The following EEIG1 variants were observed in gnomAD, a reference collection of about 807,000 sequenced individuals.
EEIG1 encodes the protein estrogen-induced osteoclastogenesis regulator 1.
chr9:127,978,550 C>G, the EEIG1 span, among the ~76,000 whole-genome samples: 1 of 147,732 alleles, frequency 6.8e-6, no homozygotes, highest in East Asian at 2.0e-4. Flanking sequence ...AAGAGAGAGG[C>G]CGGGTGCAGT....
the EEIG1 span, among the ~76,000 whole-genome samples, chr9:127,951,814 C>CA: frequency 0.8 from 86,952 of 109,070 alleles, 35,364 homozygotes; most frequent in Non-Finnish European, 0.9. Flanking sequence ...GACTCCATCT[C>CA]AAAAAAAAAA....
At chr9:127,980,240 A>T in the EEIG1 span, 1 of 1,314,292 alleles carries the variant, frequency 7.6e-7, no homozygotes, top group Non-Finnish European at 1.0e-6. Flanking sequence ...CCAGAGCCGG[A>T]TCCCGCCCTG....
the EEIG1 span, among the ~76,000 whole-genome samples, chr9:127,947,238 TGA>T: frequency 3.8e-5 from 5 of 130,388 alleles, no homozygotes; most frequent in African/African-American, 1.2e-4. Flanking sequence ...GCTGATATGG[TGA>T]AATCCAGTCT....
the EEIG1 span, chr9:127,943,810 C>G: frequency 2.5e-5 from 4 of 157,626 alleles, no homozygotes; most frequent in Non-Finnish European, 4.2e-5. Flanking sequence ...CCCCCTCACC[C>G]CCACCCGAGA....
At chr9:127,971,287 G>A in the EEIG1 span, among the ~76,000 whole-genome samples, 5 of 152,196 alleles carry the variant, frequency 3.3e-5, no homozygotes, top group Non-Finnish European at 5.9e-5. Flanking sequence ...TTTAGCCACA[G>A]TCACAGGGAA....
chr9:127,980,317 C>T, the EEIG1 span: 1 of 588,568 alleles, frequency 1.7e-6, no homozygotes, highest in East Asian at 3.2e-5. Flanking sequence ...CAGTCCAGTT[C>T]GCGGGCCGGC....
chr9:127,962,067 C>T, the EEIG1 span, among the ~76,000 whole-genome samples: 29 of 152,258 alleles, frequency 1.9e-4, no homozygotes, highest in Admixed American at 7.8e-4. Flanking sequence ...CAGCAGGCAA[C>T]GCCAGAAGAG....
chr9:127,966,734 T>C, the EEIG1 span, among the ~76,000 whole-genome samples: 1 of 152,232 alleles, frequency 6.6e-6, no homozygotes, highest in Non-Finnish European at 1.5e-5. Flanking sequence ...GCACCCAGCA[T>C]GGCCCAGCCT....
At chr9:127,953,654 G>C in the EEIG1 span, 2 of 1,610,460 alleles carry the variant, frequency 1.2e-6, no homozygotes, top group African/African-American at 2.7e-5. Flanking sequence ...GAATCCCAGG[G>C]ACCTCATGCA....
At chr9:127,973,561 T>C in the EEIG1 span, among the ~76,000 whole-genome samples, 1 of 152,138 alleles carries the variant, frequency 6.6e-6, no homozygotes, top group Non-Finnish European at 1.5e-5. The surrounding 1 kb of genome is among the most constrained non-coding windows in gnomAD (Gnocchi z 4.2). Context: ...CTGCCAACAG[T>C]GCAGCCAGCT....
the EEIG1 span, chr9:127,945,629 A>G: frequency 6.4e-7 from 1 of 1,569,668 alleles, no homozygotes; most frequent in East Asian, 2.4e-5. This position sits in a 1 kb window ranked among gnomAD's most constrained non-coding sequence, Gnocchi z 6.5. Flanking sequence ...CCACGGGGGC[A>G]GGGCCAGGCA....
At chr9:127,963,017 C>A in the EEIG1 span, among the ~76,000 whole-genome samples, 2 of 152,194 alleles carry the variant, frequency 1.3e-5, no homozygotes, top group Non-Finnish European at 2.9e-5. Context: ...ACCCAGAATC[C>A]TGGACTTCAG....
the EEIG1 span, among the ~76,000 whole-genome samples, chr9:127,948,992 C>G: frequency 6.6e-6 from 1 of 152,298 alleles, no homozygotes; most frequent in Admixed American, 6.5e-5. Flanking sequence ...CAGATCCTGA[C>G]GTCACCACTT....
At chr9:127,951,239 A>G in the EEIG1 span, among the ~76,000 whole-genome samples, 1 of 152,156 alleles carries the variant, frequency 6.6e-6, no homozygotes, top group Non-Finnish European at 1.5e-5. Context: ...CTTGGAAGAC[A>G]TCTCCGGTTC....
chr9:127,953,680 C>G, the EEIG1 span: 1 of 1,595,568 alleles, frequency 6.3e-7, no homozygotes, highest in Non-Finnish European at 8.6e-7. Flanking sequence ...CACAATCCCC[C>G]CAGATCTGAG....
At chr9:127,969,111 C>T in the EEIG1 span, among the ~76,000 whole-genome samples, 1 of 152,234 alleles carries the variant, frequency 6.6e-6, no homozygotes, top group Admixed American at 6.5e-5. Flanking sequence ...AAGGTCAGGC[C>T]TTCTCCTGGG....
At chr9:127,969,200 C>T in the EEIG1 span, among the ~76,000 whole-genome samples, 1 of 152,218 alleles carries the variant, frequency 6.6e-6, no homozygotes, top group Non-Finnish European at 1.5e-5. Context: ...AATTCTCCCC[C>T]ACCCCACTGT....
At chr9:127,972,978 T>C in the EEIG1 span, among the ~76,000 whole-genome samples, 6 of 152,080 alleles carry the variant, frequency 3.9e-5, no homozygotes, top group African/African-American at 9.7e-5. This position sits in a 1 kb window ranked among gnomAD's most constrained non-coding sequence, Gnocchi z 4.3. Flanking sequence ...GGAGTCCCCA[T>C]AATCCAAAGC....
the EEIG1 span, among the ~76,000 whole-genome samples, chr9:127,963,017 C>G: frequency 6.6e-6 from 1 of 152,194 alleles, no homozygotes; most frequent in Non-Finnish European, 1.5e-5. Context: ...ACCCAGAATC[C>G]TGGACTTCAG....
Sources: gnomAD v4.1 joint callset for allele counts (sites outside exome capture counted in the v4.1 genomes callset) on GRCh38, gnomAD v4.1.1 for gene constraint, Gnocchi (gnomAD v3.1) non-coding constraint, MANE v1.5 for transcripts, NCBI Gene and HGNC (gene_info 2026-07-23, HGNC 2026-07-21) for gene names.